The following L3MBTL4 variants were observed in gnomAD, a reference collection of about 807,000 sequenced individuals.
The protein encoded by L3MBTL4 is L3MBTL histone methyl-lysine binding protein 4.
Under a neutral mutation model 84.5 loss-of-function variants are expected in L3MBTL4, and 70 were observed. That is an observed-to-expected ratio of 0.83 (90% confidence interval 0.68 to 1.01). L3MBTL4 has a LOEUF of 1.01. Ranked by LOEUF, L3MBTL4 falls within the 50% of genes least tolerant of loss-of-function variation. L3MBTL4 has a pLI of 0.00. For missense variants in L3MBTL4, 715 were observed against 754.8 expected (o/e 0.95, Z 0.62); for synonymous variants, 274 against 259.8 (o/e 1.05, Z -0.52).
At chr18:5,998,087 A>G (rs769963762) in intron 16 of L3MBTL4, among the ~76,000 whole-genome samples, 1 of 152,308 alleles carries the variant, frequency 6.6e-6, no homozygotes, top group Admixed American at 6.5e-5. Flanking sequence ...GTGGTTTTTC[A>G]TGGTGCTTCC....
intron 1 of L3MBTL4, among the ~76,000 whole-genome samples, chr18:6,379,877 G>A (rs1032594988): frequency 3.9e-5 from 6 of 152,156 alleles, no homozygotes; most frequent in East Asian, 3.9e-4. Context: ...GATTGGAATC[G>A]TTTCAGAAGG....
intron 16 of L3MBTL4, among the ~76,000 whole-genome samples, chr18:6,057,811 A>G (rs1053276837): frequency 6.6e-6 from 1 of 152,256 alleles, no homozygotes; most frequent in African/African-American, 2.4e-5. Flanking sequence ...AGCAGTAACC[A>G]TAGCAACAAG....
intron 16 of L3MBTL4, among the ~76,000 whole-genome samples, chr18:6,032,586 T>C (rs939679653): frequency 6.6e-6 from 1 of 152,190 alleles, no homozygotes; most frequent in Middle Eastern, 3.4e-3. Flanking sequence ...GTCTTAACCA[T>C]TTTAAGTATA....
At chr18:6,246,857 T>C (rs1177608594) in intron 5 of L3MBTL4, among the ~76,000 whole-genome samples, 1 of 152,144 alleles carries the variant, frequency 6.6e-6, no homozygotes, top group Non-Finnish European at 1.5e-5. Flanking sequence ...TGAGCCAAGA[T>C]TGGGCCACTG....
intron 1 of L3MBTL4, among the ~76,000 whole-genome samples, chr18:6,399,508 A>G (rs963753437): frequency 6.6e-6 from 1 of 152,206 alleles, no homozygotes; most frequent in Non-Finnish European, 1.5e-5. Context: ...TCTTGAAGGT[A>G]TATTAACTGC....
intron 12 of L3MBTL4, among the ~76,000 whole-genome samples, chr18:6,175,064 C>T (rs556828164): frequency 6.6e-6 from 1 of 151,840 alleles, no homozygotes; most frequent in Admixed American, 6.6e-5. Flanking sequence ...CCAAAAATAC[C>T]AATTTGCAAG....
chr18:6,081,951 A>G (rs2058093216), intron 15 of L3MBTL4, among the ~76,000 whole-genome samples: 1 of 152,198 alleles, frequency 6.6e-6, no homozygotes, highest in Non-Finnish European at 1.5e-5. Flanking sequence ...GGACTTTACC[A>G]TAGGTCCTAC....
chr18:6,105,364 AT>A (rs1436831911), intron 14 of L3MBTL4, among the ~76,000 whole-genome samples: 3 of 150,802 alleles, frequency 2.0e-5, no homozygotes, highest in African/African-American at 7.3e-5. Context: ...TAATTTTTGA[AT>A]TTTTAGTAGA....
chr18:6,276,553 A>T (rs988998454), intron 4 of L3MBTL4, among the ~76,000 whole-genome samples: 2 of 152,150 alleles, frequency 1.3e-5, no homozygotes, highest in East Asian at 1.9e-4. Flanking sequence ...CAGCATTGTC[A>T]TGAGGACAGT....
intron 8 of L3MBTL4, among the ~76,000 whole-genome samples, chr18:6,240,496 C>T (rs1388505382): frequency 6.6e-6 from 1 of 151,700 alleles, no homozygotes; most frequent in Non-Finnish European, 1.5e-5. Flanking sequence ...TATAAAAATA[C>T]TATGAACTAT....
intron 1 of L3MBTL4, among the ~76,000 whole-genome samples, chr18:6,398,870 C>T (rs761573262): frequency 5.1e-4 from 77 of 152,094 alleles, no homozygotes; most frequent in Non-Finnish European, 9.7e-4. Context: ...CATCCTAAGG[C>T]CACTTTACCT....
chr18:6,317,859 A>C (rs1479438007), intron 1 of L3MBTL4, among the ~76,000 whole-genome samples: 1 of 152,174 alleles, frequency 6.6e-6, no homozygotes, highest in African/African-American at 2.4e-5. Flanking sequence ...GACAAAATGC[A>C]ATAGGTAACA....
intron 1 of L3MBTL4, among the ~76,000 whole-genome samples, chr18:6,359,371 G>C (rs1198526217): frequency 2.0e-5 from 3 of 152,110 alleles, no homozygotes; most frequent in Non-Finnish European, 4.4e-5. Context: ...CTTGAATCCG[G>C]GAGGCAGAGG....
chr18:6,343,657 A>T (rs2143570796), intron 1 of L3MBTL4, among the ~76,000 whole-genome samples: 1 of 138,614 alleles, frequency 7.2e-6, no homozygotes, highest in South Asian at 2.3e-4. Context: ...GCGAGACACC[A>T]TATCAAAAAA....
intron 4 of L3MBTL4, among the ~76,000 whole-genome samples, chr18:6,299,956 G>A (rs570752706): frequency 6.0e-4 from 92 of 152,266 alleles, no homozygotes; most frequent in Non-Finnish European, 1.2e-3. Flanking sequence ...ACGGGCATGA[G>A]CCACCACGCC....
chr18:6,113,962 A>G (rs2059277521), intron 14 of L3MBTL4, among the ~76,000 whole-genome samples: 1 of 152,156 alleles, frequency 6.6e-6, no homozygotes, highest in Non-Finnish European at 1.5e-5. Flanking sequence ...TCCAAATGAA[A>G]TCCTTCCCTC....
rs141775851 is a variant in L3MBTL4, at chr18:6,171,903, C to T, written c.1021G>A (p.Val341Met). ...DGWDHKYDYW[V>M]EADSPDIHPI... ...TGGATATCAGGGCTGTCTGCCTCCA[C>T]CCAGTAGTCATACTTATGGTCCCAA... Residue 341 changes from valine (V) to methionine (M), a missense_variant, in exon 13 of 19, where the codon GTG becomes ATG. Val to Met is a conservative substitution (Grantham distance 21). Coordinates refer to ENST00000317931, the MANE Select transcript of L3MBTL4 (RefSeq NM_001330559.2). 4.8e-5 allele frequency: 75 copies of T among 1,556,664 alleles called. No individual in the cohort carries two copies. The African/African-American group carries it at 9.6e-4, about 20-fold the overall frequency.
At chr18:6,128,036 GGC>G (rs2059756011) in intron 14 of L3MBTL4, among the ~76,000 whole-genome samples, 2 of 134,910 alleles carry the variant, frequency 1.5e-5, no homozygotes, top group Admixed American at 7.3e-5. Flanking sequence ...TATTGGGTGG[GGC>G]GGGGGAAGAG....
Position 6,185,996 on chromosome 18 carries a change from TA to T in L3MBTL4, c.982-14055del, listed in dbSNP as rs1476343778. 1.1e-4 allele frequency among the ~76,000 whole-genome samples: 17 copies of T among 149,052 alleles called. 1 individual carries two copies. Among genetic ancestry groups the T allele is most frequent in the African/African-American group, 4.3e-4 (17 of 39,696 alleles). The stretch of plus-strand genomic sequence containing the variant: ...TTTATTTTATTTTATTTTATTTTAT[TA>T]TTTTATATTTTATTTTATTTTATTT... On this transcript the variant is annotated intron_variant, in intron 12 of 18. Coordinates refer to ENST00000317931, the MANE Select transcript of L3MBTL4 (RefSeq NM_001330559.2).
Sources: allele counts gnomAD v4.1 joint callset (sites outside exome capture counted in the v4.1 genomes callset), GRCh38; gene constraint gnomAD v4.1.1; transcripts MANE v1.5; gene names NCBI Gene and HGNC (gene_info 2026-07-23, HGNC 2026-07-21).